CFAP77: variants seen among roughly 807,000 people sequenced by gnomAD.
CFAP77 encodes the protein cilia- and flagella-associated protein 77.
Under a neutral mutation model 31.1 loss-of-function variants are expected in CFAP77, and 25 were observed. The ratio of observed to expected loss-of-function variants is 0.80; its 90% CI spans 0.59 to 1.12. CFAP77 has a LOEUF of 1.12. CFAP77 is among the 50% of genes most tolerant of loss of function. CFAP77 has a pLI of 0.00. For synonymous variants in CFAP77, 151 were observed against 159.9 expected, an observed-to-expected ratio of 0.94 and a Z score of 0.42; for missense variants, 377 against 397.3, an observed-to-expected ratio of 0.95 and a Z score of 0.44.
intron 1 of CFAP77, among the ~76,000 whole-genome samples, chr9:132,444,516 C>A (rs1286366838): frequency 6.6e-6 from 1 of 152,182 alleles, no homozygotes; most frequent in Middle Eastern, 3.2e-3. Flanking sequence ...CAGGGCCCCA[C>A]AGGTTCAGGA....
chr9:132,468,524 C>T (rs1471946485), intron 1 of CFAP77, among the ~76,000 whole-genome samples: 1 of 152,148 alleles, frequency 6.6e-6, no homozygotes, highest in Admixed American at 6.5e-5. Context: ...CACTTCCTTA[C>T]TCTCCATTTA....
chr9:132,482,744 T>G (rs1851470119), intron 1 of CFAP77, among the ~76,000 whole-genome samples: 1 of 142,444 alleles, frequency 7.0e-6, no homozygotes, highest in Non-Finnish European at 1.5e-5. Flanking sequence ...TTCTCATTTT[T>G]TTTTTCTTAA....
intron 1 of CFAP77, among the ~76,000 whole-genome samples, chr9:132,469,669 A>G (rs753309524): frequency 6.6e-6 from 1 of 152,150 alleles, no homozygotes; most frequent in African/African-American, 2.4e-5. Flanking sequence ...TTTTTAAAAA[A>G]AAACTTTTAA....
chr9:132,422,539 A>G (rs1850236423), intron 1 of CFAP77, among the ~76,000 whole-genome samples: 1 of 152,182 alleles, frequency 6.6e-6, no homozygotes, highest in South Asian at 2.1e-4. Context: ...GAGCAATGGG[A>G]CGAGACTGTT....
chr9:132,493,656 A>T (rs1851687544), intron 1 of CFAP77, among the ~76,000 whole-genome samples: 1 of 152,110 alleles, frequency 6.6e-6, no homozygotes. Flanking sequence ...CACTGCCCCC[A>T]CCCAGGGGTC....
Position 132,552,933 on chromosome 9 carries a change from C to T in CFAP77, c.732+9886C>T, listed in dbSNP as rs527454060. On this transcript the variant is annotated intron_variant, in intron 5 of 5. Coordinates refer to ENST00000393216, the MANE Select transcript of CFAP77 (RefSeq NM_001282957.2). The surrounding 1 kb of genome is among the most constrained non-coding windows in gnomAD (Gnocchi z 5.5). ...CAAAGGGAAATGTGCAGTTGGAGAC[C>T]GCCTCTGTCTGTTAAACAGCCCTAA... is the stretch of plus-strand genomic sequence containing the variant. Among the ~76,000 whole-genome samples, 100 of 152,246 alleles carry T rather than the reference C, an allele frequency of 6.6e-4. No individual in the cohort carries two copies. The highest frequency in any genetic ancestry group is 1.1e-3 in the Non-Finnish European group (77 of 68,028).
intron 1 of CFAP77, among the ~76,000 whole-genome samples, chr9:132,450,641 A>G (rs1364943049): frequency 6.6e-6 from 1 of 152,206 alleles, no homozygotes; most frequent in Admixed American, 6.5e-5. Flanking sequence ...GTCTGCCTAG[A>G]CAGGCCATGA....
chr9:132,440,709 T>C (rs1850601209), intron 1 of CFAP77, among the ~76,000 whole-genome samples: 1 of 152,222 alleles, frequency 6.6e-6, no homozygotes, highest in Non-Finnish European at 1.5e-5. Context: ...TATCATCTCA[T>C]CTGCTACCAC....
intron 1 of CFAP77, among the ~76,000 whole-genome samples, chr9:132,457,390 G>A (rs957827465): frequency 2.8e-4 from 42 of 152,196 alleles, no homozygotes; most frequent in African/African-American, 9.7e-4. Flanking sequence ...GGAATAGCTC[G>A]ACTGTGTCAC....
At chr9:132,426,457 AG>A (rs1172426488) in intron 1 of CFAP77, among the ~76,000 whole-genome samples, 2 of 152,218 alleles carry the variant, frequency 1.3e-5, no homozygotes, top group East Asian at 1.9e-4. Context: ...TCAAACAGGG[AG>A]GCCTAATGTC....
Position 132,498,649 on chromosome 9 carries a change from C to A in CFAP77, c.196-46C>A. 1 of 1,427,846 alleles carries A rather than the reference C, an allele frequency of 7.0e-7. No individual in the cohort carries two copies. The highest frequency in any genetic ancestry group is 1.2e-5 in the South Asian group (1 of 83,412). The allele number at this position is 1,427,846 out of a possible 1,614,324, so 88.4% of individuals were successfully genotyped here. On this transcript the variant is annotated intron_variant, in intron 1 of 5. Coordinates refer to ENST00000393216, the MANE Select transcript of CFAP77 (RefSeq NM_001282957.2). The surrounding 1 kb of genome is among the most constrained non-coding windows in gnomAD (Gnocchi z 4.2). ...GCTGCCGGATTACAATACATTTGGT[C>A]TGAGACTCCACTCCTCACCTCTGCT...
At chr9:132,484,130 G>A (rs1851498290) in intron 1 of CFAP77, among the ~76,000 whole-genome samples, 1 of 151,834 alleles carries the variant, frequency 6.6e-6, no homozygotes, top group Admixed American at 6.6e-5. Context: ...TAGAGACAGG[G>A]ATTCTCCATG....
intron 1 of CFAP77, among the ~76,000 whole-genome samples, chr9:132,433,005 A>T (rs787879): frequency 1.3e-5 from 2 of 151,258 alleles, no homozygotes; most frequent in East Asian, 1.9e-4. Context: ...TGAGCCACCA[A>T]GCCCGGCCAA....
intron 3 of CFAP77, among the ~76,000 whole-genome samples, chr9:132,503,654 C>T (rs1341767187): frequency 6.6e-6 from 1 of 152,184 alleles, no homozygotes; most frequent in African/African-American, 2.4e-5. Context: ...GGCAGGATTA[C>T]TATCCAACTG....
intron 1 of CFAP77, among the ~76,000 whole-genome samples, chr9:132,433,626 C>A (rs1005406941): frequency 2.6e-5 from 4 of 151,792 alleles, no homozygotes; most frequent in Non-Finnish European, 1.5e-5. Context: ...TGGCTCACTG[C>A]AACCTCCGCC....
chr9:132,545,832 C>G lies in CFAP77; in HGVS notation c.732+2785C>G, dbSNP rs1852720415. 6.6e-6 allele frequency among the ~76,000 whole-genome samples: 1 copy of G among 152,160 alleles called. No individual in the cohort carries two copies. The highest frequency in any genetic ancestry group is 6.5e-5 in the Admixed American group (1 of 15,270). On this transcript the variant is annotated intron_variant, in intron 5 of 5. Coordinates refer to ENST00000393216, the MANE Select transcript of CFAP77 (RefSeq NM_001282957.2). This position sits in a 1 kb window ranked among gnomAD's most constrained non-coding sequence, Gnocchi z 4.6. ...GAGAGGTGAGAAGTGGAGTCTGGGT[C>G]CAATCTGGGGTTTCCTAGCCCCAGG...
intron 1 of CFAP77, among the ~76,000 whole-genome samples, chr9:132,422,299 G>A (rs2183849): frequency 0.6 from 91,378 of 152,132 alleles, 32,589 homozygotes; most frequent in Non-Finnish European, 0.79. Context: ...GTGAGCTACT[G>A]TGCCCAGCCC....
chr9:132,561,337 G>A (rs554046458), intron 5 of CFAP77, among the ~76,000 whole-genome samples: 43 of 151,084 alleles, frequency 2.8e-4, no homozygotes, highest in Admixed American at 5.3e-4. Flanking sequence ...TTAGCTCTTT[G>A]GCAGATTTTA....
intron 5 of CFAP77, among the ~76,000 whole-genome samples, chr9:132,561,685 G>A (rs1328280614): frequency 6.6e-6 from 1 of 150,584 alleles, no homozygotes; most frequent in Non-Finnish European, 1.5e-5. Context: ...TCTCTGGGAT[G>A]GGTTCGCAAG....
Sources: gnomAD v4.1 joint callset for allele counts (sites outside exome capture counted in the v4.1 genomes callset) on GRCh38, gnomAD v4.1.1 for gene constraint, Gnocchi (gnomAD v3.1) non-coding constraint, MANE v1.5 for transcripts, NCBI Gene and HGNC (gene_info 2026-07-23, HGNC 2026-07-21) for gene names.